Variants in KARS1 observed in about 807,000 individuals in gnomAD.
The protein encoded by KARS1 is lysyl-tRNA synthetase 1.
Under a neutral mutation model 63.9 loss-of-function variants are expected in KARS1, and 50 were observed. That is an observed-to-expected ratio of 0.78 (90% CI 0.62 to 0.99). The LOEUF (loss-of-function observed/expected upper bound fraction) is 0.99. Ranked by LOEUF, KARS1 falls within the 50% of genes least tolerant of loss-of-function variation. KARS1 has a pLI of 0.00. For missense variants in KARS1, 816 were observed against 754.5 expected (o/e 1.08, Z -0.95); for synonymous variants, 320 against 264.6 (o/e 1.21, Z -2.03).
Position 75,640,526 on chromosome 16 carries a change from A to G in KARS1, c.223-177T>C, listed in dbSNP as rs567812459. ...AGTGAGATTTGCACTTAAAATATGC[A>G]GGGCGGCCAGAGGCCAGCATTTCAA... On this transcript the variant is annotated intron_variant, in intron 2 of 13. Transcript: ENST00000302445. Among the ~76,000 whole-genome samples the G allele has an allele frequency of 5.9e-5, 9 of 152,366 alleles. No homozygotes were observed. The South Asian group carries it at 1.4e-3, about 25-fold the overall frequency.
At chr16:75,628,544 T>C (rs1461126019) in intron 13 of KARS1, 25 bp downstream of exon 13, 2 of 1,612,394 alleles carry the variant, frequency 1.2e-6, no homozygotes, top group Non-Finnish European at 8.5e-7. Flanking sequence ...TCAGGAAGTG[T>C]GCTCTGTGGA....
chr16:75,646,936 G>T lies in KARS1; in HGVS notation c.62+642C>A, dbSNP rs560795808. On this transcript the variant is annotated intron_variant, in intron 1 of 13. Transcript: ENST00000302445. The stretch of plus-strand genomic sequence containing the variant: ...GAGAATATAAGACAGCCAGTTAAAG[G>T]GTGGCTAATCCTGACTTATCTATGT... 1.9e-4 allele frequency among the ~76,000 whole-genome samples: 29 copies of T among 152,242 alleles called. No individual in the cohort carries two copies. In the South Asian group the frequency reaches 4.8e-3, roughly 25 times the overall value.
At chr16:75,628,819 G>T (rs2082079536) in intron 12 of KARS1, 107 bp from the exon 13 acceptor site, 2 of 1,163,140 alleles carry the variant, frequency 1.7e-6, no homozygotes, top group Non-Finnish European at 2.6e-6. Flanking sequence ...TTCCAGAGAT[G>T]CTCCTGACAC....
rs35143320 is a variant in KARS1 at position 75,633,321 on chromosome 16, G to C, written c.915+852C>G. Reference sequence around the variant, plus strand: ...TTTTATTCATCCATCGTTTAGGTCAGGGTCTGCAGGCAGACCCCCGCAGCT... The same window carrying C: ...TTTTATTCATCCATCGTTTAGGTCACGGTCTGCAGGCAGACCCCCGCAGCT... On this transcript the variant is annotated intron_variant, in intron 7 of 13. Transcript: ENST00000302445. 2.5e-3 allele frequency among the ~76,000 whole-genome samples: 383 copies of C among 152,248 alleles called. 6 individuals carry two copies. The highest frequency in any genetic ancestry group is 3.4e-3 in the Middle Eastern group (1 of 294).
At chr16:75,636,626 T>C (rs1281421929) in intron 3 of KARS1, 79 bp from the exon 4 acceptor site, 2 of 880,640 alleles carry the variant, frequency 2.3e-6, no homozygotes, top group Non-Finnish European at 3.7e-6. Context: ...AAAAACTCCC[T>C]CTGCATTTTT....
chr16:75,641,524 T>C lies in KARS1; in HGVS notation c.222+40A>G, dbSNP rs769804868. On this transcript the variant is annotated intron_variant, in intron 2 of 13. Coordinates refer to ENST00000302445, the MANE Select transcript of KARS1 (RefSeq NM_005548.3). ...ATCTGCCAGAAGCCTCATCAGAAGC[T>C]TTCCTGTGCCCAACCATGCTGGTGG... 5 of 1,596,096 alleles carry C rather than the reference T, an allele frequency of 3.1e-6. No homozygotes were observed. In the East Asian group the frequency reaches 6.7e-5, roughly 21 times the overall value.
intron 7 of KARS1, 36 bp from the exon 8 acceptor site, chr16:75,631,891 ATCT>A: frequency 6.2e-7 from 1 of 1,611,048 alleles, no homozygotes; most frequent in Non-Finnish European, 8.5e-7. Flanking sequence ...ATGACAGCTA[ATCT>A]TTTTTTTTTT....
chr16:75,636,206 CAAG>C (rs1366425919), intron 4 of KARS1, 108 bp from the exon 5 acceptor site: 8 of 771,370 alleles, frequency 1.0e-5, no homozygotes, highest in East Asian at 2.7e-5. Flanking sequence ...AATGTGAGCC[CAAG>C]AAGGACGTCA....
chr16:75,636,640 T>G, intron 3 of KARS1, 93 bp from the exon 4 acceptor site: 3 of 809,224 alleles, frequency 3.7e-6, no homozygotes, highest in Non-Finnish European at 6.2e-6. Context: ...CATTTTTTTT[T>G]TTGTTTTTTT....
chr16:75,642,246 C>T (rs1031624042), intron 1 of KARS1, among the ~76,000 whole-genome samples: 9 of 132,614 alleles, frequency 6.8e-5, no homozygotes, highest in African/African-American at 2.5e-4. Flanking sequence ...CTCTGTGGCC[C>T]AGGCTGGAGT....
intron 11 of KARS1, 87 bp downstream of exon 11, chr16:75,630,336 C>A: frequency 1.1e-6 from 1 of 873,364 alleles, no homozygotes; most frequent in Admixed American, 1.9e-5. Context: ...GAAAGACCAC[C>A]AGTCAAACCA....
intron 3 of KARS1, among the ~76,000 whole-genome samples, chr16:75,637,546 C>T (rs542026424): frequency 1.1e-4 from 16 of 152,080 alleles, no homozygotes; most frequent in Non-Finnish European, 2.1e-4. Context: ...GAGGCCGAGG[C>T]AGGCAGATCA....
rs766215239 is a variant in KARS1, at chr16:75,631,391, G to A, written c.1252+25C>T. ...TGAACAGGAAGGAGGGCCTTACAACGGAGGAGTGAGTGTTGTCACTTTACC... is the reference window on the plus strand; with the variant it reads ...TGAACAGGAAGGAGGGCCTTACAACAGAGGAGTGAGTGTTGTCACTTTACC... On this transcript the variant is annotated intron_variant, in intron 9 of 13. Coordinates refer to ENST00000302445, the MANE Select transcript of KARS1 (RefSeq NM_005548.3). 1.1e-5 allele frequency: 17 copies of A among 1,612,174 alleles called. No individual in the cohort carries two copies. In the East Asian group the frequency reaches 1.6e-4, roughly 15 times the overall value.
chr16:75,635,873 AAGCTAGGAGGCCAC>A (rs772621409), intron 5 of KARS1, 25 bp downstream of exon 5: 29 of 1,613,714 alleles, frequency 1.8e-5, no homozygotes, highest in Non-Finnish European at 2.3e-5. Context: ...AACAAACAGA[AAGCTAGGAGGCCAC>A]AGCTAGGAGG....
intron 3 of KARS1, among the ~76,000 whole-genome samples, chr16:75,639,209 A>G (rs1369281730): frequency 6.6e-6 from 1 of 152,188 alleles, no homozygotes; most frequent in Non-Finnish European, 1.5e-5. Context: ...ATCTGAATAC[A>G]CAGATGTGAA....
chr16:75,632,312 C>T (rs2082123176), intron 7 of KARS1, among the ~76,000 whole-genome samples: 1 of 152,224 alleles, frequency 6.6e-6, no homozygotes. Context: ...ACCCTGCTCT[C>T]TTTATACCCT....
rs1254558539 is a variant in KARS1, at chr16:75,631,701, A to G, written c.1070T>C (p.Met357Thr). 2 of 1,614,214 alleles carry G rather than the reference A, an allele frequency of 1.2e-6. No homozygotes were observed. Among genetic ancestry groups the G allele is most frequent in the Non-Finnish European group, 1.7e-6 (2 of 1,180,032 alleles). Residue 357 changes from methionine to threonine, a missense_variant, in exon 8 of 14, where the codon ATG (methionine) becomes ACG (threonine). Coordinates refer to ENST00000302445, the MANE Select transcript of KARS1 (RefSeq NM_005548.3). Reference protein sequence around the residue: ...YHDLMEITEKMVSGMVKHITG... With the variant: ...YHDLMEITEKTVSGMVKHITG... ...GAGAGAGCAGGAGTCACCTGAAACC[A>G]TCTTCTCCGTGATTTCCATGAGATC... is the stretch of plus-strand genomic sequence containing the variant.
chr16:75,637,946 AGAG>A (rs1204298849), intron 3 of KARS1, among the ~76,000 whole-genome samples: 1 of 151,768 alleles, frequency 6.6e-6, no homozygotes, highest in Non-Finnish European at 1.5e-5. Flanking sequence ...AGGAAGAAGA[AGAG>A]AACCAGGAAA....
At chr16:75,630,967 T>C (rs1197759550) in intron 10 of KARS1, among the ~76,000 whole-genome samples, 3 of 152,184 alleles carry the variant, frequency 2.0e-5, no homozygotes, top group African/African-American at 7.2e-5. Context: ...TGGACGGGAT[T>C]AACTGAGATC....
Sources: allele counts gnomAD v4.1 joint callset (sites outside exome capture counted in the v4.1 genomes callset), GRCh38; gene constraint gnomAD v4.1.1; transcripts MANE v1.5; gene names NCBI Gene and HGNC (gene_info 2026-07-23, HGNC 2026-07-21).